Variants in SNX24 observed in about 807,000 individuals in gnomAD.
SNX24 encodes the protein sorting nexin-24.
Under a neutral mutation model 28.7 loss-of-function variants are expected in SNX24, and 22 were observed. That is an observed-to-expected ratio of 0.77 (90% CI 0.55 to 1.10). The LOEUF is 1.10. SNX24 is among the 50% of genes least tolerant of loss of function. The pLI is 0.00. For missense variants in SNX24, 221 were observed against 201.1 expected, an observed-to-expected ratio of 1.10 and a Z score of -0.60; for synonymous variants, 69 against 71.5, an observed-to-expected ratio of 0.96 and a Z score of 0.18.
At chr5:122,970,900 G>A (rs942865303) in intron 3 of SNX24, among the ~76,000 whole-genome samples, 9 of 152,126 alleles carry the variant, frequency 5.9e-5, no homozygotes, top group African/African-American at 2.2e-4. Flanking sequence ...CACCCCACAG[G>A]CTTATTTCCA....
At chr5:122,928,936 C>T (rs1258441242) in intron 1 of SNX24, among the ~76,000 whole-genome samples, 1 of 151,118 alleles carries the variant, frequency 6.6e-6, no homozygotes, top group Non-Finnish European at 1.5e-5. Flanking sequence ...TCATCCAGGC[C>T]CTCTCTGTCC....
intron 1 of SNX24, among the ~76,000 whole-genome samples, chr5:122,911,333 A>C (rs372790846): frequency 3.9e-5 from 6 of 151,988 alleles, no homozygotes; most frequent in South Asian, 4.2e-4. Context: ...TTTTTCTTGT[A>C]AATTTGTTTG....
At chr5:122,924,545 TTTA>T (rs1038158171) in intron 1 of SNX24, among the ~76,000 whole-genome samples, 3 of 152,108 alleles carry the variant, frequency 2.0e-5, no homozygotes, top group African/African-American at 7.2e-5. Flanking sequence ...CTACAAATTG[TTTA>T]TTTCTGGAAT....
chr5:122,966,006 T>C (rs1442653511), intron 3 of SNX24, among the ~76,000 whole-genome samples: 1 of 152,240 alleles, frequency 6.6e-6, no homozygotes, highest in African/African-American at 2.4e-5. Flanking sequence ...AACTGTGTCA[T>C]TTGTACCTCT....
intron 5 of SNX24, among the ~76,000 whole-genome samples, chr5:123,020,153 A>T (rs535370553): frequency 6.6e-6 from 1 of 152,344 alleles, no homozygotes; most frequent in East Asian, 1.9e-4. Context: ...GTGCTCTTGG[A>T]CATTGTGATG....
At chr5:122,942,228 C>A (rs902346807) in intron 2 of SNX24, among the ~76,000 whole-genome samples, 3 of 152,196 alleles carry the variant, frequency 2.0e-5, no homozygotes, top group Non-Finnish European at 4.4e-5. Context: ...GGTGCTGGTT[C>A]ATTTTTAAAT....
chr5:122,908,698 A>C (rs1028493937), intron 1 of SNX24, among the ~76,000 whole-genome samples: 1 of 152,258 alleles, frequency 6.6e-6, no homozygotes, highest in Non-Finnish European at 1.5e-5. Flanking sequence ...GTGAAGAAAG[A>C]AATGTAGCCT....
At chr5:122,972,781 A>C (rs192028919) in intron 3 of SNX24, among the ~76,000 whole-genome samples, 1 of 152,278 alleles carries the variant, frequency 6.6e-6, no homozygotes, top group Non-Finnish European at 1.5e-5. Context: ...TCCATGATGG[A>C]AGAGGTCCAG....
chr5:122,900,856 A>C (rs1443916518), intron 1 of SNX24, among the ~76,000 whole-genome samples: 4 of 152,202 alleles, frequency 2.6e-5, no homozygotes, highest in African/African-American at 9.7e-5. Context: ...TTCAGTTATC[A>C]TTATAAGTAA....
rs750388207 is a variant in SNX24, at chr5:122,999,936, C to G, written c.274C>G (p.Leu92Val). ...GGCTGTCATTTTAGAAAATGAAGAA[C>G]TTCCCAAACTGTTTCTTGATTTCCT... ...LQAVILENEE[L>V]PKLFLDFLNV... Residue 92 changes from leucine (L) to valine (V), a missense_variant, in exon 4 of 7, where the codon CTT becomes GTT. Transcript: ENST00000261369. 1 of 1,612,672 alleles carries G rather than the reference C, an allele frequency of 6.2e-7. No homozygotes were observed.
intron 1 of SNX24, among the ~76,000 whole-genome samples, chr5:122,888,177 G>A (rs543880788): frequency 5.9e-5 from 9 of 151,954 alleles, no homozygotes; most frequent in Admixed American, 3.3e-4. Flanking sequence ...GCATTTTTTT[G>A]ATTATTTGTT....
At chr5:122,853,190 G>C (rs980028835) in intron 1 of SNX24, among the ~76,000 whole-genome samples, 2 of 122,486 alleles carry the variant, frequency 1.6e-5, no homozygotes, top group Non-Finnish European at 3.2e-5. Context: ...GCAGTGGCAC[G>C]ATCTCGGCTC....
chr5:122,866,782 G>T (rs1300115426), intron 1 of SNX24, among the ~76,000 whole-genome samples: 2 of 152,186 alleles, frequency 1.3e-5, no homozygotes, highest in African/African-American at 4.8e-5. Flanking sequence ...ACATGGCACA[G>T]TAACTCCCAT....
rs1762471206 is a variant in SNX24, at chr5:123,007,858, G to C, written c.*109G>C. ...CTATGATATATAACAGCTCTAGCTA[G>C]TGGTAAAGTGCACAGTCCCAGCTTA... On this transcript the variant is annotated 3_prime_UTR_variant, in exon 7 of 7. Transcript: ENST00000261369. 2.0e-6 allele frequency: 3 copies of C among 1,513,374 alleles called. No homozygotes were observed. Among genetic ancestry groups the C allele is most frequent in the Non-Finnish European group, 8.8e-7 (1 of 1,134,392 alleles). The allele number at this position is 1,513,374 out of a possible 1,614,324, so 93.7% of individuals were successfully genotyped here. A position where few individuals can be genotyped will look rare whatever the true frequency, so the allele number is the denominator to read the frequency against.
intron 1 of SNX24, among the ~76,000 whole-genome samples, chr5:122,923,009 A>G (rs553073059): frequency 3.3e-5 from 5 of 151,950 alleles, no homozygotes; most frequent in Non-Finnish European, 7.4e-5. Context: ...AAAATACCTG[A>G]TCTATCTATC....
chr5:123,025,837 G>T (rs1334104409), intron 5 of SNX24: 1 of 1,614,090 alleles, frequency 6.2e-7, no homozygotes, highest in South Asian at 1.1e-5. Flanking sequence ...AACCAGGTGG[G>T]CTTGGTCAAG....
chr5:122,992,768 T>C (rs1761907957), intron 3 of SNX24, among the ~76,000 whole-genome samples: 2 of 152,240 alleles, frequency 1.3e-5, no homozygotes. Flanking sequence ...ACTATATTTG[T>C]TGGGCTAACC....
intron 3 of SNX24, among the ~76,000 whole-genome samples, chr5:122,964,141 G>T (rs565792962): frequency 6.6e-6 from 1 of 150,948 alleles, no homozygotes; most frequent in African/African-American, 2.4e-5. Context: ...TACTTGGGAG[G>T]CTGAGGCAGG....
chr5:122,939,079 C>T (rs908425087), intron 2 of SNX24, among the ~76,000 whole-genome samples: 2 of 151,882 alleles, frequency 1.3e-5, no homozygotes, highest in African/African-American at 4.8e-5. Flanking sequence ...AAAATTTAAT[C>T]AGAGTACTCA....
Sources: gnomAD v4.1 joint callset for allele counts (sites outside exome capture counted in the v4.1 genomes callset) on GRCh38, gnomAD v4.1.1 for gene constraint, MANE v1.5 for transcripts, NCBI Gene and HGNC (gene_info 2026-07-23, HGNC 2026-07-21) for gene names.